ESR1: variants seen among roughly 807,000 people sequenced by gnomAD.
ESR1 encodes the protein estrogen receptor 1, also known as estrogen receptor.
Under a neutral mutation model 52.7 loss-of-function variants are expected in ESR1, and 12 were observed. The ratio of observed to expected loss-of-function variants is 0.23; its 90% CI spans 0.15 to 0.37. The LOEUF (loss-of-function observed/expected upper bound fraction) is 0.37, where lower values mean the gene tolerates loss of function less well. Among genes scored for constraint, ESR1 ranks in the 10% least tolerant of loss-of-function variants. ESR1 has a pLI of 1.00. For synonymous variants in ESR1, 305 were observed against 316.8 expected, an observed-to-expected ratio of 0.96 and a Z score of 0.39; for missense variants, 584 against 779.7, an observed-to-expected ratio of 0.75 and a Z score of 2.99.
At chr6:151,901,365 T>C (rs892826288) in intron 3 of ESR1, among the ~76,000 whole-genome samples, 2 of 152,196 alleles carry the variant, frequency 1.3e-5, no homozygotes, top group African/African-American at 2.4e-5. Context: ...GCTACCAGCC[T>C]CCCAGCAAAG....
At chr6:151,833,001 C>T (rs558997311) in intron 1 of ESR1, among the ~76,000 whole-genome samples, 1 of 152,294 alleles carries the variant, frequency 6.6e-6, no homozygotes, top group South Asian at 2.1e-4. Context: ...TAGTTCTATA[C>T]ATGATGCTCT....
chr6:151,789,639 C>T (rs1408529592), intron 2 of ESR1, among the ~76,000 whole-genome samples: 1 of 152,114 alleles, frequency 6.6e-6, no homozygotes, highest in Admixed American at 6.5e-5. Flanking sequence ...CTGGAGGAAA[C>T]GTAAAACAAA....
chr6:151,696,036 A>G (rs1343384589), intron 1 of ESR1, among the ~76,000 whole-genome samples: 1 of 152,220 alleles, frequency 6.6e-6, no homozygotes, highest in East Asian at 1.9e-4. Context: ...GGTTACTTAG[A>G]ATCCAATATA....
intron 2 of ESR1, among the ~76,000 whole-genome samples, chr6:151,868,032 C>A (rs140974100): frequency 3.3e-5 from 5 of 151,306 alleles, no homozygotes; most frequent in African/African-American, 9.7e-5. Context: ...ATGCTGAGGT[C>A]TGGCATATGG....
intron 4 of ESR1, 137 bp from the exon 5 acceptor site, chr6:152,011,519 T>C (rs189853170): frequency 6.6e-4 from 643 of 978,330 alleles, no homozygotes; most frequent in Non-Finnish European, 9.9e-4. Flanking sequence ...TTGACTTCAC[T>C]ATAAAGTATG....
chr6:152,069,252 C>T (rs1354546632), intron 6 of ESR1, among the ~76,000 whole-genome samples: 1 of 136,386 alleles, frequency 7.3e-6, no homozygotes, highest in Non-Finnish European at 1.5e-5. Context: ...CTGGGGGTAA[C>T]TGATTGGTTA....
intron 6 of ESR1, among the ~76,000 whole-genome samples, chr6:152,072,428 A>G (rs534037090): frequency 6.6e-6 from 1 of 152,194 alleles, no homozygotes; most frequent in Non-Finnish European, 1.5e-5. Flanking sequence ...AAACTTTTCT[A>G]GGGAAGGACA....
chr6:151,963,033 T>C (rs556320449), intron 4 of ESR1, among the ~76,000 whole-genome samples: 3 of 152,274 alleles, frequency 2.0e-5, no homozygotes, highest in African/African-American at 7.2e-5. Flanking sequence ...TAAAAAACAC[T>C]TTTTCTGGTC....
rs375030142 is a variant in ESR1, at chr6:151,944,348, C to T, written c.936C>T (p.Ala312=). The T allele has an allele frequency of 1.1e-4, 177 of 1,613,990 alleles. No homozygotes were observed. The highest frequency in any genetic ancestry group is 1.3e-4 in the Admixed American group (8 of 59,998). The stretch of plus-strand genomic sequence containing the variant: ...ACAGCCTGGCCTTGTCCCTGACGGC[C>T]GACCAGATGGTCAGTGCCTTGTTGG... The part of the protein sequence containing the change: ...KKNSLALSLT[A]DQMVSALLDA... The change falls in exon 4 of 8, where the codon GCC becomes GCT. Residue 312 remains alanine, a synonymous_variant. Coordinates refer to ENST00000206249, the MANE Select transcript of ESR1 (RefSeq NM_000125.4).
Position 152,043,963 on chromosome 6 carries a change from ACTCG to A in ESR1, c.1236-17027_1236-17024del, listed in dbSNP as rs548212821. Among the ~76,000 whole-genome samples, 1,162 of 152,108 alleles carry A rather than the reference ACTCG, an allele frequency of 7.6e-3. 7 individuals are homozygous for A. The highest frequency in any genetic ancestry group is 0.013 in the South Asian group (64 of 4,792). Reference sequence around the variant, plus strand: ...CAGCTCTTTCTCTACAGGAGATAAGACTCGAACCCAGGGCAATCTTAGAAGATTT... The same window carrying A: ...CAGCTCTTTCTCTACAGGAGATAAGAAACCCAGGGCAATCTTAGAAGATTT... On this transcript the variant is annotated intron_variant, in intron 5 of 7. Transcript: ENST00000206249.
At chr6:151,767,357 C>T (rs1445690150) in intron 2 of ESR1, among the ~76,000 whole-genome samples, 1 of 152,150 alleles carries the variant, frequency 6.6e-6, no homozygotes, top group Non-Finnish European at 1.5e-5. Context: ...ATATTCCCCA[C>T]CTCCTTCCCT....
At chr6:151,794,569 A>G (rs1227649801) in intron 2 of ESR1, among the ~76,000 whole-genome samples, 2 of 151,992 alleles carry the variant, frequency 1.3e-5, no homozygotes, top group African/African-American at 4.8e-5. Flanking sequence ...TCTACCCGTT[A>G]TTTACAAAGG....
At chr6:152,072,204 A>T (rs2048408264) in intron 6 of ESR1, among the ~76,000 whole-genome samples, 1 of 152,198 alleles carries the variant, frequency 6.6e-6, no homozygotes, top group African/African-American at 2.4e-5. Context: ...TCTTCATTTT[A>T]GTATCTATAT....
At chr6:151,697,926 C>G (rs549132961) in intron 1 of ESR1, among the ~76,000 whole-genome samples, 79 of 152,130 alleles carry the variant, frequency 5.2e-4, no homozygotes, top group African/African-American at 1.8e-3. Context: ...TGGTGAAACC[C>G]CTTCTTTACT....
intron 2 of ESR1, among the ~76,000 whole-genome samples, chr6:151,873,730 A>G (rs1791360291): frequency 6.6e-6 from 1 of 152,256 alleles, no homozygotes; most frequent in Non-Finnish European, 1.5e-5. Flanking sequence ...TTGTGATTTC[A>G]CATCAGATTT....
intron 4 of ESR1, among the ~76,000 whole-genome samples, chr6:151,980,541 AG>A (rs2039892657): frequency 6.6e-6 from 1 of 152,224 alleles, no homozygotes. Context: ...GGTGACAAAA[AG>A]ATACACGACT....
In ESR1 at chr6:151,719,153, GA is replaced by G. The variant is rs539872377; in HGVS notation, c.-71+17149del. Among the ~76,000 whole-genome samples the G allele has an allele frequency of 3.1e-3, 473 of 152,250 alleles. 2 individuals are homozygous for G. The highest frequency in any genetic ancestry group is 0.011 in the African/African-American group (457 of 41,542). On this transcript the variant is annotated intron_variant, in intron 2 of 2. Coordinates refer to the ESR1 transcript ENST00000404742. ...CTCGGCTCCATCAGTAAACAACCTA[GA>G]CTAACATCTTGCCGTTGTTTACATC... is the stretch of plus-strand genomic sequence containing the variant.
rs2035443589 is a variant in ESR1 at position 151,944,187 on chromosome 6, C to A, written c.775C>A (p.Arg259=). Residue 259 remains arginine, a synonymous_variant, in exon 4 of 8, where the codon CGA becomes AGA. Coordinates refer to ENST00000206249, the MANE Select transcript of ESR1 (RefSeq NM_000125.4). The part of the protein sequence containing the change: ...GMMKGGIRKD[R]RGGRMLKHKR... ...TGTGTTTTCAGGGATACGAAAAGAC[C>A]GAAGAGGAGGGAGAATGTTGAAACA... 6.2e-7 allele frequency: 1 copy of A among 1,613,406 alleles called. No homozygotes were observed. Among genetic ancestry groups the A allele is most frequent in the Non-Finnish European group, 8.5e-7 (1 of 1,179,852 alleles).
intron 2 of ESR1, among the ~76,000 whole-genome samples, chr6:151,779,525 A>G (rs114174307): frequency 0.087 from 13,259 of 152,162 alleles, 700 homozygotes; most frequent in African/African-American, 0.1. Context: ...GTAAAAATAT[A>G]ACAGGTACTG....
Sources: allele counts gnomAD v4.1 joint callset (sites outside exome capture counted in the v4.1 genomes callset), GRCh38; gene constraint gnomAD v4.1.1; transcripts MANE v1.5; gene names NCBI Gene and HGNC (gene_info 2026-07-23, HGNC 2026-07-21).